The following GCFC2 variants were observed in gnomAD, a reference collection of about 807,000 sequenced individuals.
GCFC2 encodes the protein GC-rich sequence DNA-binding factor 2, also known as intron Large complex component GCFC2.
Under a neutral mutation model 99.4 loss-of-function variants are expected in GCFC2, and 102 were observed. That is an observed-to-expected ratio of 1.03 (90% confidence interval 0.87 to 1.21). The LOEUF (loss-of-function observed/expected upper bound fraction) is 1.21, where lower values mean the gene tolerates loss of function less well. GCFC2 is among the 50% of genes most tolerant of loss of function. The probability of loss-of-function intolerance (pLI) is 0.00; values close to 1 mark genes in which losing one functional copy is unlikely to be tolerated. For missense variants in GCFC2, 973 were observed against 920.9 expected, an observed-to-expected ratio of 1.06 and a Z score of -0.73; for synonymous variants, 338 against 316.8, an observed-to-expected ratio of 1.07 and a Z score of -0.71.
At chr2:75,709,890 C>T (rs1422848196) in intron 1 of GCFC2, among the ~76,000 whole-genome samples, 1 of 152,092 alleles carries the variant, frequency 6.6e-6, no homozygotes, top group Non-Finnish European at 1.5e-5. Flanking sequence ...TCAAGACTAA[C>T]CAAAAACCGT....
At chr2:75,688,015 T>A (rs748516294) in intron 10 of GCFC2, 38 bp from the exon 11 acceptor site, 1 of 1,237,084 alleles carries the variant, frequency 8.1e-7, no homozygotes, top group Non-Finnish European at 1.1e-6. Flanking sequence ...AAGAAATCTT[T>A]CAACATTAGT....
chr2:75,683,238 C>T (rs911415819), intron 11 of GCFC2, among the ~76,000 whole-genome samples: 7 of 151,896 alleles, frequency 4.6e-5, no homozygotes, highest in African/African-American at 1.7e-4. Flanking sequence ...AGACTAACAG[C>T]GGATCTCTCT....
intron 4 of GCFC2, 83 bp downstream of exon 4, chr2:75,701,107 G>A (rs56411132): frequency 0.015 from 11,958 of 779,564 alleles, 89 homozygotes; most frequent in Non-Finnish European, 0.019. Flanking sequence ...GAATAAATGT[G>A]TGTTCTTTTG....
At chr2:75,670,886 CTG>C (rs1418078750) in intron 14 of GCFC2, 3 of 152,160 alleles carry the variant, frequency 2.0e-5, no homozygotes, top group African/African-American at 7.2e-5. Flanking sequence ...GAACTACATG[CTG>C]TTTTACTAAA....
chr2:75,701,477 G>A (rs1371352068), intron 3 of GCFC2, 190 bp from the exon 4 acceptor site: 4 of 580,424 alleles, frequency 6.9e-6, no homozygotes, highest in Non-Finnish European at 1.2e-5. Flanking sequence ...ATATTGGGAG[G>A]TTAAGTAACT....
chr2:75,688,102 T>C, intron 10 of GCFC2, 125 bp from the exon 11 acceptor site: 1 of 615,474 alleles, frequency 1.6e-6, no homozygotes. Context: ...AATTCCCTAT[T>C]TTAACACTAG....
At chr2:75,666,514 AAATT>A (rs966469303) in intron 15 of GCFC2, among the ~76,000 whole-genome samples, 2 of 152,190 alleles carry the variant, frequency 1.3e-5, no homozygotes, top group African/African-American at 4.8e-5. Context: ...AATGAAAGAT[AAATT>A]AATTATGTTT....
rs1177902168 is a variant in GCFC2, at chr2:75,710,424, G to C, written c.265+167C>G. 3 of 1,362,148 alleles carry C rather than the reference G, an allele frequency of 2.2e-6. No individual in the cohort carries two copies. In the African/African-American group the frequency reaches 4.6e-5, roughly 21 times the overall value. 84.4% of individuals were successfully genotyped at this position (1,362,148 alleles called of 1,614,324 possible). The stretch of plus-strand genomic sequence containing the variant: ...ATGCAGATAGCGGGCAAGTGCTCGA[G>C]CTATTTTCTCGCTCACTACCTTCTG... On this transcript the variant is annotated intron_variant, in intron 1 of 16. Transcript: ENST00000321027.
chr2:75,706,057 G>T (rs567837107), intron 2 of GCFC2, among the ~76,000 whole-genome samples: 6 of 152,346 alleles, frequency 3.9e-5, no homozygotes, highest in Admixed American at 2.6e-4. Context: ...AAAATTTTCA[G>T]TGGTTCCCTA....
chr2:75,688,802 A>G (rs1173432819), intron 10 of GCFC2, among the ~76,000 whole-genome samples: 3 of 152,180 alleles, frequency 2.0e-5, no homozygotes, highest in Non-Finnish European at 4.4e-5. Flanking sequence ...GCTAAAAAAA[A>G]ATGTGTTTGC....
At chr2:75,668,832 G>A (rs1044389505) in intron 15 of GCFC2, among the ~76,000 whole-genome samples, 1 of 152,016 alleles carries the variant, frequency 6.6e-6, no homozygotes, top group Non-Finnish European at 1.5e-5. Flanking sequence ...TAAAAGTTTT[G>A]TATCCATCAT....
At chr2:75,667,991 G>A (rs1036007503) in intron 15 of GCFC2, among the ~76,000 whole-genome samples, 7 of 152,266 alleles carry the variant, frequency 4.6e-5, no homozygotes, top group African/African-American at 1.7e-4. Flanking sequence ...GCAACCAGAT[G>A]AATCAATTTC....
At chr2:75,681,200 G>A (rs974760455) in intron 11 of GCFC2, among the ~76,000 whole-genome samples, 3 of 152,162 alleles carry the variant, frequency 2.0e-5, no homozygotes, top group East Asian at 1.9e-4. Context: ...GTAGAAGGCC[G>A]GTGATTTCTG....
intron 12 of GCFC2, among the ~76,000 whole-genome samples, chr2:75,674,819 A>C (rs956144650): frequency 1.3e-5 from 2 of 152,158 alleles, no homozygotes; most frequent in Non-Finnish European, 2.9e-5. Flanking sequence ...CCACTTAATT[A>C]TCTATAACAT....
chr2:75,691,535 AAAGG>A (rs1186002444), intron 7 of GCFC2, among the ~76,000 whole-genome samples: 1 of 152,198 alleles, frequency 6.6e-6, no homozygotes, highest in Non-Finnish European at 1.5e-5. Flanking sequence ...CACCTTAATC[AAAGG>A]AAGATATCTC....
Position 75,680,248 on chromosome 2 carries a change from C to G in GCFC2, c.1757G>C (p.Arg586Thr). ...AGTGGAATGTTCTTCAAGAATCACT[C>G]TGCAATGTGTTATTAAACTTGTTGT... ...SQTTSLITHC[R>T]VILEEHSTCE... is the part of the protein sequence containing the mutation. Residue 586 changes from arginine to threonine, a missense_variant, in exon 12 of 17, where the codon AGA becomes ACA. Arg to Thr is a moderately conservative substitution (Grantham distance 71, BLOSUM62 -1). Coordinates refer to ENST00000321027, the MANE Select transcript of GCFC2 (RefSeq NM_003203.5). 1 of 1,603,610 alleles carries G rather than the reference C, an allele frequency of 6.2e-7. No individual in the cohort carries two copies. The highest frequency in any genetic ancestry group is 8.5e-7 in the Non-Finnish European group (1 of 1,170,748).
rs780171325 is a variant in GCFC2 at position 75,710,889 on chromosome 2, C to T, written c.-34G>A. On this transcript the variant is annotated 5_prime_UTR_variant, in exon 1 of 17. Transcript: ENST00000321027. ...CCCGAGCGCCCGGCGCCCTAGAACC[C>T]GCTGAACCGCAAGCCGCAGCTTCAG... The T allele has an allele frequency of 1.2e-5, 18 of 1,493,458 alleles. No individual in the cohort carries two copies. The highest frequency in any genetic ancestry group is 1.5e-5 in the Non-Finnish European group (17 of 1,128,454). 92.5% of individuals were successfully genotyped at this position (1,493,458 alleles called of 1,614,324 possible).
At chr2:75,694,467 CT>C in intron 5 of GCFC2, 40 bp from the exon 6 acceptor site, 1 of 776,616 alleles carries the variant, frequency 1.3e-6, no homozygotes, top group South Asian at 3.2e-5. Flanking sequence ...TTTTCATACT[CT>C]TTTAAAAGTA....
intron 15 of GCFC2, among the ~76,000 whole-genome samples, chr2:75,666,953 T>C (rs1678865970): frequency 6.6e-6 from 1 of 152,140 alleles, no homozygotes; most frequent in African/African-American, 2.4e-5. Flanking sequence ...CCGTGCTACG[T>C]GTGGGATTGT....
Sources: allele counts gnomAD v4.1 joint callset (sites outside exome capture counted in the v4.1 genomes callset), GRCh38; gene constraint gnomAD v4.1.1; transcripts MANE v1.5; gene names NCBI Gene and HGNC (gene_info 2026-07-23, HGNC 2026-07-21).